PLEKHA5: variants seen among roughly 807,000 people sequenced by gnomAD.
The protein encoded by PLEKHA5 is pleckstrin homology domain-containing family A member 5.
In PLEKHA5, 55 loss-of-function variants were observed where a neutral mutation model predicts 181.9. The ratio of observed to expected loss-of-function variants is 0.30; its 90% CI spans 0.24 to 0.38. The LOEUF (loss-of-function observed/expected upper bound fraction) is 0.38. Ranked by LOEUF, PLEKHA5 falls within the 10% of genes least tolerant of loss-of-function variation. The probability of loss-of-function intolerance (pLI) is 1.00; values close to 1 mark genes in which losing one functional copy is unlikely to be tolerated. For synonymous variants in PLEKHA5, 535 were observed against 529.4 expected, an observed-to-expected ratio of 1.01 and a Z score of -0.15; for missense variants, 1,432 against 1,549.5, an observed-to-expected ratio of 0.92 and a Z score of 1.27.
intron 3 of PLEKHA5, among the ~76,000 whole-genome samples, chr12:19,189,919 A>G (rs555889194): frequency 1.3e-5 from 2 of 152,102 alleles, no homozygotes; most frequent in African/African-American, 2.4e-5. Context: ...TAATGCCCCC[A>G]CTTTCTATTC....
At chr12:19,150,393 T>C (rs1278628483) in intron 3 of PLEKHA5, 1 of 152,212 alleles carries the variant, frequency 6.6e-6, no homozygotes, top group Non-Finnish European at 1.5e-5. Context: ...TGACCTCCCC[T>C]GTTCTGCCCA....
At chr12:19,305,043 C>A (rs903026944) in intron 15 of PLEKHA5, among the ~76,000 whole-genome samples, 1 of 152,052 alleles carries the variant, frequency 6.6e-6, no homozygotes, top group Non-Finnish European at 1.5e-5. Context: ...ACATAGAAAG[C>A]GAGGATATTT....
At chr12:19,355,908 C>T (rs2094900232) in intron 26 of PLEKHA5, among the ~76,000 whole-genome samples, 1 of 151,988 alleles carries the variant, frequency 6.6e-6, no homozygotes, top group Non-Finnish European at 1.5e-5. Context: ...CACCTGTCAT[C>T]CCAGCACTTT....
intron 8 of PLEKHA5, among the ~76,000 whole-genome samples, chr12:19,269,510 T>C (rs79958756): frequency 1.5e-3 from 10 of 6,650 alleles, no homozygotes; most frequent in African/African-American, 2.0e-3. Flanking sequence ...CATGCACTCT[T>C]TTTTTTTTTT....
chr12:19,283,706 T>C lies in PLEKHA5; in HGVS notation c.1740T>C (p.Asp580=). The part of the protein sequence containing the change: ...SEVSSPIQRG[D]VTIDRRHRAH... ...TGTCTTCACCAATTCAGAGAGGAGATGTGACAATAGACCGCAGACACAGGG... is the reference window on the plus strand; with the variant it reads ...TGTCTTCACCAATTCAGAGAGGAGACGTGACAATAGACCGCAGACACAGGG... Residue 580 remains aspartate (D), a synonymous_variant, in exon 12 of 32, where the codon GAT becomes GAC. Coordinates refer to ENST00000429027, the MANE Select transcript of PLEKHA5 (RefSeq NM_001256470.2). The C allele has an allele frequency of 6.2e-7, 1 of 1,613,986 alleles. No individual in the cohort carries two copies. Among genetic ancestry groups the C allele is most frequent in the Non-Finnish European group, 8.5e-7 (1 of 1,179,936 alleles).
Position 19,347,271 on chromosome 12 carries a change from T to C in PLEKHA5, c.2898+89T>C, listed in dbSNP as rs572401603. 53 of 737,272 alleles carry C rather than the reference T, an allele frequency of 7.2e-5. No homozygotes were observed. In the African/African-American group the frequency reaches 8.2e-4, roughly 11 times the overall value. 45.7% of individuals were successfully genotyped at this position (737,272 alleles called of 1,614,324 possible). A position where few individuals can be genotyped will look rare whatever the true frequency, so the allele number is the denominator to read the frequency against. ...TTTATTTTACACTCAAACTTTTTTTTTATTATAACCTTTATAACCTCATTT... is the reference window on the plus strand; with the variant it reads ...TTTATTTTACACTCAAACTTTTTTTCTATTATAACCTTTATAACCTCATTT... On this transcript the variant is annotated intron_variant, in intron 24 of 31. Coordinates refer to ENST00000429027, the MANE Select transcript of PLEKHA5 (RefSeq NM_001256470.2).
intron 15 of PLEKHA5, among the ~76,000 whole-genome samples, chr12:19,293,907 G>C (rs2079100918): frequency 6.6e-6 from 1 of 152,062 alleles, no homozygotes; most frequent in Non-Finnish European, 1.5e-5. Context: ...CTTTTCTACT[G>C]CTCCATGCTT....
intron 3 of PLEKHA5, among the ~76,000 whole-genome samples, chr12:19,247,768 G>A (rs1331433083): frequency 2.0e-5 from 3 of 151,038 alleles, no homozygotes; most frequent in East Asian, 3.9e-4. Flanking sequence ...AAAAAAAAAA[G>A]GTAGGGGGTG....
chr12:19,358,463 T>A, intron 27 of PLEKHA5, 26 bp downstream of exon 27: 1 of 1,487,240 alleles, frequency 6.7e-7, no homozygotes, highest in Non-Finnish European at 9.4e-7. Context: ...TTGATTATTA[T>A]TTTGTGTAAA....
At chr12:19,306,547 G>T in intron 15 of PLEKHA5, 1 of 756,726 alleles carries the variant, frequency 1.3e-6, no homozygotes, top group South Asian at 1.3e-5. Context: ...GCAGCGCCGT[G>T]AGCAACACTA....
chr12:19,292,358 A>G, intron 15 of PLEKHA5, among the ~76,000 whole-genome samples: 1 of 151,814 alleles, frequency 6.6e-6, no homozygotes, highest in South Asian at 2.1e-4. Flanking sequence ...GTGAGCCGAG[A>G]TCATGCACCA....
intron 13 of PLEKHA5, 69 bp downstream of exon 13, chr12:19,287,625 A>T (rs1173711976): frequency 1.1e-6 from 1 of 874,442 alleles, no homozygotes; most frequent in Non-Finnish European, 1.8e-6. Context: ...CATATCTAAC[A>T]TAATTTTTAA....
At chr12:19,280,126 T>G (rs940450264) in intron 11 of PLEKHA5, among the ~76,000 whole-genome samples, 2 of 134,514 alleles carry the variant, frequency 1.5e-5, no homozygotes, top group Non-Finnish European at 3.1e-5. Flanking sequence ...CTCAGCTCAC[T>G]GCAACCTCTG....
chr12:19,159,195 C>A (rs997405345), intron 3 of PLEKHA5, among the ~76,000 whole-genome samples: 1 of 152,160 alleles, frequency 6.6e-6, no homozygotes, highest in Non-Finnish European at 1.5e-5. Context: ...ACATTAGCCT[C>A]CCTCTGTTTA....
At chr12:19,229,665 A>G (rs573003029) in intron 3 of PLEKHA5, among the ~76,000 whole-genome samples, 14 of 152,304 alleles carry the variant, frequency 9.2e-5, no homozygotes, top group Non-Finnish European at 2.1e-4. Context: ...GAGCGAAAGA[A>G]CAAAGCTTCC....
intron 3 of PLEKHA5, among the ~76,000 whole-genome samples, chr12:19,245,723 CAAAAAAAAAAAAAAAA>C (rs1177391924): frequency 2.0e-5 from 1 of 50,904 alleles, no homozygotes; most frequent in Non-Finnish European, 3.2e-5. Flanking sequence ...GTGAGACTGT[CAAAAAAAAAAAAAAAA>C]AAAAAAAAAA....
Position 19,167,405 on chromosome 12 carries a change from A to ATTTT in PLEKHA5, c.227+34981_227+34984dup, listed in dbSNP as rs56086557. 4.1e-4 allele frequency among the ~76,000 whole-genome samples: 37 copies of ATTTT among 91,224 alleles called. 1 individual carries two copies. Among genetic ancestry groups the ATTTT allele is most frequent in the African/African-American group, 1.4e-3 (30 of 22,096 alleles). 59.8% of individuals were successfully genotyped at this position (91,224 alleles called of 152,430 possible). A position where few individuals can be genotyped will look rare whatever the true frequency, so the allele number is the denominator to read the frequency against. On this transcript the variant is annotated intron_variant, in intron 3 of 31. Coordinates refer to ENST00000429027, the MANE Select transcript of PLEKHA5 (RefSeq NM_001256470.2). ...CACTCTGCAAGTCTTCTGAGGCTTA[A>ATTTT]TTTTTTTTTTTTTTTTTTTTTTTTT...
intron 23 of PLEKHA5, among the ~76,000 whole-genome samples, chr12:19,346,355 G>T (rs2094332371): frequency 6.6e-6 from 1 of 151,840 alleles, no homozygotes; most frequent in Non-Finnish European, 1.5e-5. Context: ...TTAAAAATTG[G>T]GGGGCCAGGT....
At chr12:19,331,468 C>T (rs1332709891) in intron 20 of PLEKHA5, among the ~76,000 whole-genome samples, 1 of 152,098 alleles carries the variant, frequency 6.6e-6, no homozygotes, top group Non-Finnish European at 1.5e-5. Flanking sequence ...GCCTCCCAAA[C>T]TGCTGGGATT....
Sources: gnomAD v4.1 joint callset for allele counts (sites outside exome capture counted in the v4.1 genomes callset) on GRCh38, gnomAD v4.1.1 for gene constraint, MANE v1.5 for transcripts, NCBI Gene and HGNC (gene_info 2026-07-23, HGNC 2026-07-21) for gene names.